The following ORC4 variants were observed in gnomAD, a reference collection of about 807,000 sequenced individuals.
ORC4 encodes the protein origin recognition complex subunit 4.
In ORC4, 55 loss-of-function variants were observed where a neutral mutation model predicts 63.9. The ratio of observed to expected loss-of-function variants is 0.86; its 90% CI spans 0.69 to 1.08. The LOEUF (loss-of-function observed/expected upper bound fraction) is 1.08, where lower values mean the gene tolerates loss of function less well. Ranked by LOEUF, ORC4 falls within the 50% of genes least tolerant of loss-of-function variation. The pLI is 0.00. For missense variants in ORC4, 511 were observed against 504.4 expected, an observed-to-expected ratio of 1.01 and a Z score of -0.13; for synonymous variants, 150 against 168.5, an observed-to-expected ratio of 0.89 and a Z score of 0.85.
intron 5 of ORC4, 73 bp from the exon 6 acceptor site, chr2:147,958,456 T>TA: frequency 1.8e-6 from 2 of 1,112,480 alleles, no homozygotes; most frequent in Non-Finnish European, 1.4e-6. Flanking sequence ...TGTTTTCCAG[T>TA]TAAGTAAATC....
chr2:148,013,529 A>G (rs2105471058), intron 1 of ORC4, among the ~76,000 whole-genome samples: 1 of 152,350 alleles, frequency 6.6e-6, no homozygotes, highest in Non-Finnish European at 1.5e-5. Flanking sequence ...TAGTAATTAC[A>G]GCTAACAATA....
chr2:147,943,859 C>T (rs1688506821), intron 9 of ORC4, among the ~76,000 whole-genome samples: 1 of 152,226 alleles, frequency 6.6e-6, no homozygotes, highest in South Asian at 2.1e-4. Context: ...GCATGAGTTA[C>T]TGTACCTAGG....
At chr2:147,995,025 C>G (rs1312046443) in intron 1 of ORC4, among the ~76,000 whole-genome samples, 1 of 152,070 alleles carries the variant, frequency 6.6e-6, no homozygotes, top group African/African-American at 2.4e-5. Flanking sequence ...AATAAAAAAA[C>G]GCACCACTCA....
chr2:147,952,054 C>G (rs1208273385), intron 8 of ORC4, among the ~76,000 whole-genome samples: 1 of 152,136 alleles, frequency 6.6e-6, no homozygotes, highest in Admixed American at 6.5e-5. Flanking sequence ...AAAACTATTA[C>G]CAAGTTTTCT....
chr2:147,963,719 C>A (rs1027412793), intron 4 of ORC4, among the ~76,000 whole-genome samples: 1 of 152,102 alleles, frequency 6.6e-6, no homozygotes, highest in Non-Finnish European at 1.5e-5. Flanking sequence ...GTGATTGACC[C>A]ACCATATGCA....
chr2:147,965,423 G>A (rs1279073138), intron 4 of ORC4, among the ~76,000 whole-genome samples: 1 of 151,174 alleles, frequency 6.6e-6, no homozygotes, highest in African/African-American at 2.4e-5. Flanking sequence ...TTAAAGGTAT[G>A]AAAAAGATAT....
In ORC4 at chr2:147,933,218, T is replaced by C. The variant is rs549596837; in HGVS notation, c.*2292A>G. ...TAGTAAATGAAGAAAATAAGCTATATGTATAAGTTTACATTATTCTTGAAC... is the reference window on the plus strand; with the variant it reads ...TAGTAAATGAAGAAAATAAGCTATACGTATAAGTTTACATTATTCTTGAAC... On this transcript the variant is annotated 3_prime_UTR_variant, in exon 14 of 14. Coordinates refer to ENST00000392857, the MANE Select transcript of ORC4 (RefSeq NM_181741.4). 6.6e-6 allele frequency: 1 copy of C among 152,110 alleles called. No homozygotes were observed. Among genetic ancestry groups the C allele is most frequent in the African/African-American group, 2.4e-5 (1 of 41,432 alleles). The allele number at this position is 152,110 out of a possible 1,614,324, so 9.4% of individuals were successfully genotyped here.
intron 1 of ORC4, among the ~76,000 whole-genome samples, chr2:147,993,179 C>G (rs1213140602): frequency 6.6e-6 from 1 of 152,084 alleles, no homozygotes; most frequent in Non-Finnish European, 1.5e-5. Flanking sequence ...ATTCTGAAGG[C>G]TCCCATGTCA....
Position 147,930,630 on chromosome 2 carries a change from T to C in ORC4, c.*4880A>G, listed in dbSNP as rs2105232399. On this transcript the variant is annotated 3_prime_UTR_variant, in exon 14 of 14. Coordinates refer to ENST00000392857, the MANE Select transcript of ORC4 (RefSeq NM_181741.4). ...AAGCAGTTATTTTCGCTTTACTCTG[T>C]ATTTCTTGTGTTTTGGGCACAGGTT... 1 of 152,554 alleles carries C rather than the reference T, an allele frequency of 6.6e-6. No individual in the cohort carries two copies. 9.5% of individuals were successfully genotyped at this position (152,554 alleles called of 1,614,324 possible).
chr2:147,966,435 C>T (rs1689896865), intron 4 of ORC4, among the ~76,000 whole-genome samples: 1 of 151,456 alleles, frequency 6.6e-6, no homozygotes, highest in Admixed American at 6.6e-5. Flanking sequence ...GAGACTAAAA[C>T]AATACTACAA....
intron 1 of ORC4, among the ~76,000 whole-genome samples, chr2:148,002,620 G>C (rs1415594066): frequency 6.6e-6 from 1 of 152,134 alleles, no homozygotes; most frequent in Non-Finnish European, 1.5e-5. Context: ...GCAGTGTGTA[G>C]AGGGAAATTT....
chr2:148,001,438 G>C (rs1692301001), intron 1 of ORC4, among the ~76,000 whole-genome samples: 1 of 152,158 alleles, frequency 6.6e-6, no homozygotes, highest in Non-Finnish European at 1.5e-5. Flanking sequence ...AGCCAGAAGA[G>C]AGTAGGGGCC....
chr2:147,981,746 C>A (rs899682288), intron 1 of ORC4, among the ~76,000 whole-genome samples: 12 of 143,856 alleles, frequency 8.3e-5, no homozygotes, highest in African/African-American at 3.1e-4. Context: ...CAAGTAAGTG[C>A]AGAGCCAGGA....
Position 147,945,055 on chromosome 2 carries a change from T to C in ORC4, c.763-1533A>G, listed in dbSNP as rs1052593229. On this transcript the variant is annotated intron_variant, in intron 9 of 13. Transcript: ENST00000392857. ...CTTTTCCAGTTTTAAAATTGCAATA[T>C]GGAAGATATGTGGCTAAATATCACA... Among the ~76,000 whole-genome samples the C allele has an allele frequency of 5.3e-5, 8 of 152,228 alleles. No homozygotes were observed. In the South Asian group the frequency reaches 6.2e-4, roughly 12 times the overall value.
intron 7 of ORC4, among the ~76,000 whole-genome samples, chr2:147,955,138 A>G (rs1669085058): frequency 1.3e-5 from 2 of 152,008 alleles, no homozygotes; most frequent in African/African-American, 4.8e-5. Flanking sequence ...AAAGATCAGT[A>G]TATCATTGAA....
At chr2:147,964,594 CCAAA>C (rs1400242717) in intron 4 of ORC4, among the ~76,000 whole-genome samples, 1 of 152,138 alleles carries the variant, frequency 6.6e-6, no homozygotes, top group Non-Finnish European at 1.5e-5. Context: ...GCTCAAAACT[CCAAA>C]CAGACTCAAC....
At chr2:147,945,603 TGC>T (rs1177854737) in intron 9 of ORC4, among the ~76,000 whole-genome samples, 1 of 152,134 alleles carries the variant, frequency 6.6e-6, no homozygotes, top group Non-Finnish European at 1.5e-5. Context: ...TATACTGCCA[TGC>T]TAAGATAGAG....
chr2:147,966,809 C>T lies in ORC4; in HGVS notation c.225+5930G>A, dbSNP rs191336575. Among the ~76,000 whole-genome samples, 6 of 152,204 alleles carry T rather than the reference C, an allele frequency of 3.9e-5. No individual in the cohort carries two copies. In the East Asian group the frequency reaches 9.7e-4, roughly 25 times the overall value. ...TAATGCCAATTCTTCTAAAACTATT[C>T]CAAAAAATTCAAGCAGAGAAAATTC... On this transcript the variant is annotated intron_variant, in intron 4 of 13. Coordinates refer to ENST00000392857, the MANE Select transcript of ORC4 (RefSeq NM_181741.4).
At chr2:148,009,933 A>G (rs1692847366) in intron 1 of ORC4, among the ~76,000 whole-genome samples, 1 of 152,206 alleles carries the variant, frequency 6.6e-6, no homozygotes, top group Admixed American at 6.5e-5. Context: ...GGAAAGAGAC[A>G]TTGCATGCAA....
Sources: allele counts gnomAD v4.1 joint callset (sites outside exome capture counted in the v4.1 genomes callset), GRCh38; gene constraint gnomAD v4.1.1; transcripts MANE v1.5; gene names NCBI Gene and HGNC (gene_info 2026-07-23, HGNC 2026-07-21).